YIPF4: variants seen among roughly 807,000 people sequenced by gnomAD.
YIPF4 encodes the protein protein YIPF4.
Under a neutral mutation model 29.4 loss-of-function variants are expected in YIPF4, and 18 were observed. The observed-to-expected ratio is 0.61, with a 90% CI of 0.42 to 0.91. The LOEUF (loss-of-function observed/expected upper bound fraction) is 0.91, where lower values mean the gene tolerates loss of function less well. YIPF4 is among the 40% of genes least tolerant of loss of function. The probability of loss-of-function intolerance (pLI) is 0.00; values close to 1 mark genes in which losing one functional copy is unlikely to be tolerated. For missense variants in YIPF4, 279 were observed against 282.7 expected (o/e 0.99, Z 0.09); for synonymous variants, 115 against 104.7 (o/e 1.10, Z -0.60).
At chr2:32,298,564 T>A (rs992493760) in intron 4 of YIPF4, among the ~76,000 whole-genome samples, 19 of 152,272 alleles carry the variant, frequency 1.2e-4, no homozygotes, top group East Asian at 7.7e-4. Context: ...TTTATTTATT[T>A]TTTATTTATT....
intron 5 of YIPF4, among the ~76,000 whole-genome samples, chr2:32,301,896 G>T (rs147919518): frequency 6.6e-6 from 1 of 152,036 alleles, no homozygotes; most frequent in African/African-American, 2.4e-5. Context: ...GTAGAGATGG[G>T]GTTTCACCAT....
In YIPF4 at chr2:32,313,153, A is replaced by G. The variant is rs2031750353; in HGVS notation, c.*7527A>G. 1 of 152,180 alleles carries G rather than the reference A, an allele frequency of 6.6e-6. No homozygotes were observed. The highest frequency in any genetic ancestry group is 2.4e-5 in the African/African-American group (1 of 41,450). The allele number at this position is 152,180 out of a possible 1,614,324, so 9.4% of individuals were successfully genotyped here. A position where few individuals can be genotyped will look rare whatever the true frequency, so the allele number is the denominator to read the frequency against. ...AAGTATATAAAAGAAGCCTTCCTTG[A>G]AGCAACGATGCTTAAGCTGAAATCT... On this transcript the variant is annotated 3_prime_UTR_variant, in exon 6 of 6. Coordinates refer to ENST00000238831, the MANE Select transcript of YIPF4 (RefSeq NM_032312.4).
In YIPF4 at chr2:32,312,040, G is replaced by C. The variant is rs1348100768; in HGVS notation, c.*6414G>C. 2.0e-5 allele frequency: 3 copies of C among 152,074 alleles called. No homozygotes were observed. The highest frequency in any genetic ancestry group is 4.4e-5 in the Non-Finnish European group (3 of 68,014). 9.4% of individuals were successfully genotyped at this position (152,074 alleles called of 1,614,324 possible). On this transcript the variant is annotated 3_prime_UTR_variant, in exon 6 of 6. Coordinates refer to ENST00000238831, the MANE Select transcript of YIPF4 (RefSeq NM_032312.4). ...AATAATGAAACAACTCATATGTTTT[G>C]TAATCCTTATGGAGAATTACTTCAT...
chr2:32,291,992 A>G (rs1291333401), intron 2 of YIPF4, among the ~76,000 whole-genome samples, 185 bp from the exon 3 acceptor site: 1 of 152,236 alleles, frequency 6.6e-6, no homozygotes, highest in Non-Finnish European at 1.5e-5. Flanking sequence ...TCCCACATTT[A>G]GAGATATTGG....
At chr2:32,305,313 G>A (rs890973615) in intron 5 of YIPF4, among the ~76,000 whole-genome samples, 176 bp from the exon 6 acceptor site, 11 of 152,142 alleles carry the variant, frequency 7.2e-5, no homozygotes, top group Non-Finnish European at 1.6e-4. Flanking sequence ...TCAAGGAGTA[G>A]AGCAAAGATG....
intron 1 of YIPF4, among the ~76,000 whole-genome samples, chr2:32,284,907 G>C (rs1477929111): frequency 6.6e-6 from 1 of 152,146 alleles, no homozygotes; most frequent in Non-Finnish European, 1.5e-5. Context: ...AGGGCATGTA[G>C]AGATTATTGG....
chr2:32,292,089 T>C (rs998243350), intron 2 of YIPF4, 88 bp from the exon 3 acceptor site: 13 of 865,618 alleles, frequency 1.5e-5, no homozygotes, highest in Non-Finnish European at 1.5e-5. Flanking sequence ...TATAACTGTC[T>C]TATTTAAAGT....
intron 3 of YIPF4, among the ~76,000 whole-genome samples, chr2:32,293,774 T>A: frequency 6.9e-6 from 1 of 143,894 alleles, no homozygotes; most frequent in African/African-American, 2.6e-5. Context: ...GGCTCCTCAC[T>A]TCCCAGTAGG....
Position 32,312,347 on chromosome 2 carries a change from G to A in YIPF4, c.*6721G>A, listed in dbSNP as rs558457785. The A allele has an allele frequency of 6.6e-6, 1 of 151,556 alleles. No individual in the cohort carries two copies. The highest frequency in any genetic ancestry group is 2.1e-4 in the South Asian group (1 of 4,788). 9.4% of individuals were successfully genotyped at this position (151,556 alleles called of 1,614,324 possible). A position where few individuals can be genotyped will look rare whatever the true frequency, so the allele number is the denominator to read the frequency against. Reference sequence around the variant, plus strand: ...ACTAAAAATACCAAAAATTAGCCGGGCGTGGCAGCGGGCGCCTGTAGTCTC... The same window carrying A: ...ACTAAAAATACCAAAAATTAGCCGGACGTGGCAGCGGGCGCCTGTAGTCTC... On this transcript the variant is annotated 3_prime_UTR_variant, in exon 6 of 6. Coordinates refer to ENST00000238831, the MANE Select transcript of YIPF4 (RefSeq NM_032312.4).
Position 32,278,127 on chromosome 2 carries a change from TACCGCGGCCGGTTGGGAGTCGCCGC to T in YIPF4, c.-28_-4del. ...GTCTGGGCCCAGCCGCAGCCTCTTC[TACCGCGGCCGGTTGGGAGTCGCCGC>T]GAGATGCAGCCTCCGGGCCCGCCCC... On this transcript the variant is annotated 5_prime_UTR_variant, in exon 1 of 6. Coordinates refer to ENST00000238831, the MANE Select transcript of YIPF4 (RefSeq NM_032312.4). The T allele has an allele frequency of 6.5e-7, 1 of 1,541,596 alleles. No individual in the cohort carries two copies. The highest frequency in any genetic ancestry group is 8.7e-7 in the Non-Finnish European group (1 of 1,143,814).
intron 1 of YIPF4, among the ~76,000 whole-genome samples, chr2:32,287,895 C>G (rs187357329): frequency 1.2e-4 from 18 of 152,048 alleles, no homozygotes; most frequent in African/African-American, 4.3e-4. Context: ...TAGGAAATGA[C>G]AAGAATATTT....
chr2:32,283,036 C>T (rs1186982319), intron 1 of YIPF4, among the ~76,000 whole-genome samples: 2 of 149,200 alleles, frequency 1.3e-5, no homozygotes, highest in African/African-American at 2.5e-5. Context: ...AAGATCGCGC[C>T]ACTGCACTCC....
intron 5 of YIPF4, among the ~76,000 whole-genome samples, chr2:32,303,519 C>A (rs574670248): frequency 6.6e-6 from 1 of 152,158 alleles, no homozygotes; most frequent in South Asian, 2.1e-4. Context: ...TCAACCATTT[C>A]TCCAAAAATA....
At chr2:32,285,656 CTTTTTTT>C (rs1177156259) in intron 1 of YIPF4, among the ~76,000 whole-genome samples, 3 of 137,886 alleles carry the variant, frequency 2.2e-5, no homozygotes, top group East Asian at 2.1e-4. Context: ...TTAGTTTTTC[CTTTTTTT>C]TTTTTTTTTG....
In YIPF4 at chr2:32,305,637, A is replaced by G; in HGVS notation, c.*11A>G. 1.3e-6 allele frequency: 2 copies of G among 1,558,910 alleles called. No individual in the cohort carries two copies. Among genetic ancestry groups the G allele is most frequent in the Non-Finnish European group, 1.7e-6 (2 of 1,156,116 alleles). On this transcript the variant is annotated 3_prime_UTR_variant, in exon 6 of 6. Transcript: ENST00000238831. The stretch of plus-strand genomic sequence containing the variant: ...TATACTGGTGTGTGATCCAAGTTAT[A>G]CATGAATAGAAAAAGATGGTGTTAA...
chr2:32,294,164 G>C (rs1230345334), intron 3 of YIPF4, among the ~76,000 whole-genome samples: 1 of 151,306 alleles, frequency 6.6e-6, no homozygotes, highest in Non-Finnish European at 1.5e-5. Context: ...GGCCTGGCAG[G>C]GGCTGACCCC....
intron 3 of YIPF4, among the ~76,000 whole-genome samples, chr2:32,293,522 C>A (rs888761154): frequency 6.6e-6 from 1 of 152,254 alleles, no homozygotes; most frequent in Non-Finnish European, 1.5e-5. Context: ...CATCCGATTT[C>A]TCAATCTTTT....
At chr2:32,278,385 G>A (rs762301752) in intron 1 of YIPF4, 151 bp downstream of exon 1, 2 of 708,626 alleles carry the variant, frequency 2.8e-6, no homozygotes, top group East Asian at 3.2e-5. Flanking sequence ...CGGGCCTTCC[G>A]AGAGGCCCCG....
chr2:32,289,242 C>G (rs965049824), intron 1 of YIPF4, among the ~76,000 whole-genome samples: 1 of 152,140 alleles, frequency 6.6e-6, no homozygotes, highest in South Asian at 2.1e-4. Context: ...AACTAGGGCC[C>G]GGAAAACATG....
Sources: allele counts gnomAD v4.1 joint callset (sites outside exome capture counted in the v4.1 genomes callset), GRCh38; gene constraint gnomAD v4.1.1; transcripts MANE v1.5; gene names NCBI Gene and HGNC (gene_info 2026-07-23, HGNC 2026-07-21).